MTMR14: variants seen among roughly 807,000 people sequenced by gnomAD.
MTMR14 encodes the protein myotubularin related protein 14, also known as phosphatidylinositol-3,5-bisphosphate 3-phosphatase MTMR14.
In MTMR14, 48 loss-of-function variants were observed where a neutral mutation model predicts 86.3. That is an observed-to-expected ratio of 0.56 (90% CI 0.44 to 0.71). The LOEUF (loss-of-function observed/expected upper bound fraction) is 0.71, where lower values mean the gene tolerates loss of function less well. Ranked by LOEUF, MTMR14 falls within the 30% of genes least tolerant of loss-of-function variation. The pLI, the probability that MTMR14 is intolerant of heterozygous loss-of-function variation, is 0.00. For missense variants in MTMR14, 780 were observed against 834.6 expected, an observed-to-expected ratio of 0.93 and a Z score of 0.81; for synonymous variants, 366 against 326.1, an observed-to-expected ratio of 1.12 and a Z score of -1.32.
At chr3:9,670,695 A>T (rs977942567) in intron 5 of MTMR14, among the ~76,000 whole-genome samples, 9 of 152,188 alleles carry the variant, frequency 5.9e-5, no homozygotes, top group African/African-American at 1.9e-4. Context: ...GATCAATTCT[A>T]ATGGAAACGG....
chr3:9,682,638 T>C (rs1419737140), intron 9 of MTMR14, among the ~76,000 whole-genome samples: 1 of 152,250 alleles, frequency 6.6e-6, no homozygotes, highest in Non-Finnish European at 1.5e-5. Context: ...ACAGACTCCA[T>C]TTATTATTCA....
intron 2 of MTMR14, among the ~76,000 whole-genome samples, chr3:9,657,170 A>G (rs533900075): frequency 3.3e-5 from 5 of 152,100 alleles, no homozygotes; most frequent in African/African-American, 1.2e-4. Context: ...CGGCCTTTCA[A>G]AGTGTTGGGA....
In MTMR14 at chr3:9,701,691, A is replaced by T. The variant is rs2076462827; in HGVS notation, c.1770-99A>T. The T allele has an allele frequency of 7.4e-7, 1 of 1,359,136 alleles. No individual in the cohort carries two copies. Among genetic ancestry groups the T allele is most frequent in the Admixed American group, 1.8e-5 (1 of 54,734 alleles). The allele number at this position is 1,359,136 out of a possible 1,614,324, so 84.2% of individuals were successfully genotyped here. On this transcript the variant is annotated intron_variant, in intron 18 of 18. Transcript: ENST00000296003. This position sits in a 1 kb window ranked among gnomAD's most constrained non-coding sequence, Gnocchi z 4.2. ...ACAGACACTGGCCTTGTACAGTCAG[A>T]AGAAGCACAAGGACAGGTGGTATGG...
intron 3 of MTMR14, among the ~76,000 whole-genome samples, chr3:9,666,536 G>A (rs1176342454): frequency 6.6e-6 from 1 of 152,308 alleles, no homozygotes; most frequent in African/African-American, 2.4e-5. Flanking sequence ...CATTTTAAAA[G>A]TGATTACATG....
chr3:9,700,663 TG>T (rs1307723167), intron 18 of MTMR14: 2 of 152,218 alleles, frequency 1.3e-5, no homozygotes, highest in Non-Finnish European at 2.9e-5. Flanking sequence ...GCTGTTTACC[TG>T]GAAACCACAG....
At chr3:9,660,769 C>T (rs185357648) in intron 2 of MTMR14, among the ~76,000 whole-genome samples, 2 of 152,164 alleles carry the variant, frequency 1.3e-5, no homozygotes, top group Admixed American at 1.3e-4. Context: ...ATTAAATTCC[C>T]TCTAGGAGTT....
chr3:9,663,763 T>G (rs2048087431), intron 3 of MTMR14, among the ~76,000 whole-genome samples: 1 of 151,690 alleles, frequency 6.6e-6, no homozygotes, highest in African/African-American at 2.4e-5. Context: ...TCCTCCTGCC[T>G]CGGCCTCCCA....
At chr3:9,680,461 A>G (rs1559594353) in intron 9 of MTMR14, among the ~76,000 whole-genome samples, 1 of 151,926 alleles carries the variant, frequency 6.6e-6, no homozygotes. Flanking sequence ...CTGACTTCCC[A>G]TTTTCCTCAG....
intron 10 of MTMR14, 77 bp downstream of exon 10, chr3:9,683,321 G>A (rs1373068776): frequency 9.7e-6 from 13 of 1,346,762 alleles, no homozygotes; most frequent in Non-Finnish European, 1.4e-5. Context: ...TCAACTGTAT[G>A]TTTGTTGGAG....
rs751561479 is a variant in MTMR14 at position 9,689,988 on chromosome 3, A to C, written c.1458A>C (p.Pro486=). 10 of 1,611,310 alleles carry C rather than the reference A, an allele frequency of 6.2e-6. No homozygotes were observed. Residue 486 remains proline, a synonymous_variant, in exon 17 of 19, where the codon CCA becomes CCC. Transcript: ENST00000296003. ...GGAGGAAGAGCCACTCATCCTCTCC[A>C]CAGAGTGTCCTCTGGAACCGGCCAC... ...AAWRKSHSSS[P]QSVLWNRPQP...
Position 9,668,700 on chromosome 3 carries a change from A to G in MTMR14, c.418-19A>G. ...CTTCAGAAAACCATCTGACCGTGAA[A>G]ATGATGTTTCTCTCCCAGCACATTT... On this transcript the variant is annotated intron_variant, in intron 3 of 18. Transcript: ENST00000296003. 1 of 1,613,864 alleles carries G rather than the reference A, an allele frequency of 6.2e-7. No individual in the cohort carries two copies. Among genetic ancestry groups the G allele is most frequent in the Non-Finnish European group, 8.5e-7 (1 of 1,179,774 alleles).
chr3:9,691,722 GTC>G (rs1028451263), intron 17 of MTMR14, among the ~76,000 whole-genome samples: 1 of 152,184 alleles, frequency 6.6e-6, no homozygotes, highest in African/African-American at 2.4e-5. Context: ...TGCAGGGCGT[GTC>G]TCAGGCTCTT....
rs368605936 is a variant in MTMR14 at position 9,701,818 on chromosome 3, C to T, written c.1798C>T (p.Arg600Trp). 1.5e-5 allele frequency: 24 copies of T among 1,613,658 alleles called. No homozygotes were observed. Among genetic ancestry groups the T allele is most frequent in the Non-Finnish European group, 1.9e-5 (23 of 1,180,050 alleles). Residue 600 changes from arginine to tryptophan, a missense_variant, in exon 19 of 19, where the codon CGG (arginine) becomes TGG (tryptophan). Physicochemically the swap from Arg to Trp is moderately radical, Grantham distance 101. Coordinates refer to ENST00000296003, the MANE Select transcript of MTMR14 (RefSeq NM_001077525.3). This position sits in a 1 kb window ranked among gnomAD's most constrained non-coding sequence, Gnocchi z 4.2. ...TGCAGCCCTGAGTGATCGAGAGACT[C>T]GGCTGCAGGAGGTGCGCTCAGCCTT... is the stretch of plus-strand genomic sequence containing the variant. ...LLAALSDRET[R>W]LQEVRSAFLA...
At chr3:9,664,274 G>A (rs561709366) in intron 3 of MTMR14, among the ~76,000 whole-genome samples, 1 of 150,706 alleles carries the variant, frequency 6.6e-6, no homozygotes, top group South Asian at 2.1e-4. Context: ...ATTGATAAAT[G>A]TATGTTCATA....
chr3:9,685,898 C>T (rs1300826722), intron 13 of MTMR14, among the ~76,000 whole-genome samples: 1 of 152,178 alleles, frequency 6.6e-6, no homozygotes, highest in African/African-American at 2.4e-5. Flanking sequence ...AGTTGGCCCC[C>T]TTACTGCCTG....
rs2076090723 is a variant in MTMR14, at chr3:9,690,061, A to G, written c.1531A>G (p.Arg511Gly). 3.1e-6 allele frequency: 5 copies of G among 1,613,294 alleles called. No individual in the cohort carries two copies. Among genetic ancestry groups the G allele is most frequent in the Non-Finnish European group, 4.2e-6 (5 of 1,179,988 alleles). ...LPSQQGLAEA[R>G]SSSSSSSNHS... ...TTCCCAGCAGGGGCTGGCGGAAGCC[A>G]GGTCTTCCAGCTCCTCTTCCTCAAA... The change falls in exon 17 of 19, where the codon AGG (arginine) becomes GGG (glycine). Residue 511 changes from arginine to glycine, a missense_variant. Physicochemically the swap from Arg to Gly is moderately radical, Grantham distance 125. Transcript: ENST00000296003.
chr3:9,689,358 G>A (rs2076066235), intron 16 of MTMR14, among the ~76,000 whole-genome samples: 1 of 152,356 alleles, frequency 6.6e-6, no homozygotes, highest in East Asian at 1.9e-4. Flanking sequence ...GGGGAGGCTG[G>A]TATTGGAGGA....
Position 9,670,493 on chromosome 3 carries a change from A to G in MTMR14, c.555-555A>G, listed in dbSNP as rs150892487. Among the ~76,000 whole-genome samples, 412 of 152,378 alleles carry G rather than the reference A, an allele frequency of 2.7e-3. 5 individuals are homozygous for G. Among genetic ancestry groups the G allele is most frequent in the African/African-American group, 9.6e-3 (400 of 41,582 alleles). ...GCTGATCAAAAGGCAGCAGTGAGAT[A>G]GAAAAATTTTATCTTTCTCTTTGCT... On this transcript the variant is annotated intron_variant, in intron 5 of 18. Transcript: ENST00000296003.
In MTMR14 at chr3:9,701,945, T is replaced by G. The variant is rs768939468; in HGVS notation, c.1925T>G (p.Leu642Arg). 18 of 1,614,192 alleles carry G rather than the reference T, an allele frequency of 1.1e-5. No individual in the cohort carries two copies. Among genetic ancestry groups the G allele is most frequent in the Non-Finnish European group, 1.5e-5 (18 of 1,180,048 alleles). The change falls in exon 19 of 19, where the codon CTC becomes CGC. Residue 642 changes from leucine to arginine, a missense_variant. Transcript: ENST00000296003. This position sits in a 1 kb window ranked among gnomAD's most constrained non-coding sequence, Gnocchi z 4.2. ...GAGCAATTTGCCCGTGGTGTTGGAC[T>G]CCGGAGCATCAGCAGCAATGCCTTG... ...LLEQFARGVGLRSISSNAL is the reference protein window; with the variant it reads ...LLEQFARGVGRRSISSNAL
Sources: allele counts gnomAD v4.1 joint callset (sites outside exome capture counted in the v4.1 genomes callset), GRCh38; gene constraint gnomAD v4.1.1; non-coding constraint Gnocchi (gnomAD v3.1); transcripts MANE v1.5; gene names NCBI Gene and HGNC (gene_info 2026-07-23, HGNC 2026-07-21).